ANKFN1: variants seen among roughly 807,000 people sequenced by gnomAD.
The protein encoded by ANKFN1 is ankyrin repeat and fibronectin type-III domain-containing protein 1.
Under a neutral mutation model 108.7 loss-of-function variants are expected in ANKFN1, and 74 were observed. The observed-to-expected ratio is 0.68, with a 90% CI of 0.56 to 0.83. The LOEUF (loss-of-function observed/expected upper bound fraction) is 0.83. ANKFN1 is among the 40% of genes least tolerant of loss of function. The pLI, the probability that ANKFN1 is intolerant of heterozygous loss-of-function variation, is 0.00. For missense variants in ANKFN1, 1,505 were observed against 1,382.3 expected (o/e 1.09, Z -1.41); for synonymous variants, 547 against 516.2 (o/e 1.06, Z -0.81).
intron 3 of ANKFN1, among the ~76,000 whole-genome samples, chr17:56,259,316 A>G (rs1191160532): frequency 6.6e-6 from 1 of 152,190 alleles, no homozygotes; most frequent in African/African-American, 2.4e-5. Flanking sequence ...CCATTTCCAC[A>G]TCTGAAAAAG....
chr17:56,328,807 T>C (rs762480102), intron 4 of ANKFN1, among the ~76,000 whole-genome samples: 150 of 152,104 alleles, frequency 9.9e-4, no homozygotes, highest in Non-Finnish European at 1.8e-3. Context: ...GAATCTATCA[T>C]GCACCCAGTC....
intron 8 of ANKFN1, among the ~76,000 whole-genome samples, chr17:56,420,987 C>T (rs910862675): frequency 1.3e-5 from 2 of 152,114 alleles, no homozygotes; most frequent in Admixed American, 6.5e-5. Context: ...GGATTACAGG[C>T]GTGAGCCACT....
chr17:56,193,045 A>G (rs1374152161), intron 1 of ANKFN1, among the ~76,000 whole-genome samples: 2 of 111,794 alleles, frequency 1.8e-5, no homozygotes, highest in African/African-American at 8.1e-5. Flanking sequence ...AATGTGGCAC[A>G]TATACACCAT....
At chr17:56,097,719 C>T (rs539221918) in intron 4 of ANKFN1, among the ~76,000 whole-genome samples, 55 of 152,300 alleles carry the variant, frequency 3.6e-4, no homozygotes, top group African/African-American at 1.3e-3. Context: ...TTCACAGCTA[C>T]ACTCTGTCAG....
intron 1 of ANKFN1, among the ~76,000 whole-genome samples, chr17:56,162,784 C>A (rs1315714397): frequency 6.6e-6 from 1 of 152,034 alleles, no homozygotes; most frequent in Non-Finnish European, 1.5e-5. Context: ...GCCTGTAATC[C>A]CAGCACTCTG....
chr17:56,149,653 C>T (rs1168258953), upstream of ANKFN1, among the ~76,000 whole-genome samples: 1 of 152,206 alleles, frequency 6.6e-6, no homozygotes, highest in Admixed American at 6.5e-5. Context: ...GAGAATTTCA[C>T]CATTCTCAGT....
intron 10 of ANKFN1, 131 bp downstream of exon 10, chr17:56,443,064 G>T: frequency 2.7e-6 from 2 of 749,642 alleles, no homozygotes; most frequent in African/African-American, 3.5e-5. Context: ...CAGCATCTGG[G>T]CCACATAATG....
intron 8 of ANKFN1, among the ~76,000 whole-genome samples, chr17:56,384,816 A>G (rs536454080): frequency 6.8e-6 from 1 of 147,532 alleles, no homozygotes; most frequent in African/African-American, 2.5e-5. Context: ...AATGAAATAA[A>G]AGAGGATACA....
intron 4 of ANKFN1, among the ~76,000 whole-genome samples, chr17:56,048,468 C>T (rs373519403): frequency 2.6e-5 from 4 of 151,996 alleles, no homozygotes; most frequent in Non-Finnish European, 5.9e-5. Context: ...GCCTGATGCA[C>T]ATTAGATTCT....
At position 56,374,442 on chromosome 17, in the gene ANKFN1, T is replaced by C. The variant is rs878940444; in HGVS notation, c.797-159T>C. Among the ~76,000 whole-genome samples, 3 of 152,212 alleles carry C rather than the reference T, an allele frequency of 2.0e-5. No individual in the cohort carries two copies. The South Asian group carries it at 6.2e-4, about 31-fold the overall frequency. On this transcript the variant is annotated intron_variant, in intron 7 of 20. Coordinates refer to ENST00000682825, the MANE Select transcript of ANKFN1 (RefSeq NM_001370326.1). ...CCCCAATGGCAACAAATAAAAGCCA[T>C]TGAGACGTCTAATGAAAATGTTCAA...
chr17:56,181,099 C>T (rs967459675), intron 1 of ANKFN1, among the ~76,000 whole-genome samples: 3 of 152,134 alleles, frequency 2.0e-5, no homozygotes, highest in Non-Finnish European at 4.4e-5. Flanking sequence ...CTGTTTGAGT[C>T]TAGGGAATGA....
intron 6 of ANKFN1, among the ~76,000 whole-genome samples, chr17:56,355,211 C>T (rs1353961822): frequency 6.6e-6 from 1 of 151,918 alleles, no homozygotes; most frequent in African/African-American, 2.4e-5. Context: ...CCAGTTGTAC[C>T]CCATAAATAT....
chr17:56,264,322 A>C (rs2043595189), intron 3 of ANKFN1, among the ~76,000 whole-genome samples: 1 of 152,178 alleles, frequency 6.6e-6, no homozygotes, highest in Non-Finnish European at 1.5e-5. Flanking sequence ...CTGAAATATG[A>C]ACAGCCAGGT....
In ANKFN1 at chr17:56,492,198, A is replaced by C; in HGVS notation, c.2272A>C (p.Ser758Arg). 1 of 699,196 alleles carries C rather than the reference A, an allele frequency of 1.4e-6. No homozygotes were observed. Among genetic ancestry groups the C allele is most frequent in the Non-Finnish European group, 2.6e-6 (1 of 381,992 alleles). 43.3% of individuals were successfully genotyped at this position (699,196 alleles called of 1,614,324 possible). The change falls in exon 19 of 21, where the codon AGC becomes CGC. Residue 758 changes from serine (S) to arginine (R), a missense_variant. By Grantham distance (110) the Ser-to-Arg change is moderately radical. Coordinates refer to ENST00000682825, the MANE Select transcript of ANKFN1 (RefSeq NM_001370326.1). ...LQMFELVHFC[S>R]YREKFISLYC... Reference sequence around the variant, plus strand: ...TGTCCATTTTCCAGTTCATTTTTGCAGCTACAGAGAGAAATTTATTAGTCT... The same window carrying C: ...TGTCCATTTTCCAGTTCATTTTTGCCGCTACAGAGAGAAATTTATTAGTCT...
At chr17:56,456,782 C>T in intron 11 of ANKFN1, 79 bp from the exon 12 acceptor site, 1 of 1,153,532 alleles carries the variant, frequency 8.7e-7, no homozygotes, top group Non-Finnish European at 1.3e-6. Context: ...GAGGGGAAGG[C>T]AGGAAGGTAG....
chr17:56,143,272 T>C (rs1908039026), intron 4 of ANKFN1, among the ~76,000 whole-genome samples: 1 of 152,166 alleles, frequency 6.6e-6, no homozygotes, highest in East Asian at 1.9e-4. Flanking sequence ...GTGGAGAGGA[T>C]GGTTGAGCAC....
intron 1 of ANKFN1, among the ~76,000 whole-genome samples, chr17:56,187,771 T>C (rs1279496978): frequency 6.6e-6 from 1 of 152,210 alleles, no homozygotes; most frequent in Non-Finnish European, 1.5e-5. Context: ...GATGAGTTCA[T>C]GTCCTTTATA....
intron 8 of ANKFN1, among the ~76,000 whole-genome samples, chr17:56,424,738 A>G (rs1176308937): frequency 1.3e-5 from 2 of 152,170 alleles, no homozygotes; most frequent in Non-Finnish European, 2.9e-5. Flanking sequence ...TTCTCTGCAA[A>G]GGGGAAACTT....
chr17:56,106,805 C>A (rs74344961), intron 4 of ANKFN1, among the ~76,000 whole-genome samples: 9 of 151,950 alleles, frequency 5.9e-5, no homozygotes, highest in Non-Finnish European at 7.4e-5. Context: ...CAAGGGAGGG[C>A]GCCTGAGAAT....
Sources: gnomAD v4.1 joint callset for allele counts (sites outside exome capture counted in the v4.1 genomes callset) on GRCh38, gnomAD v4.1.1 for gene constraint, MANE v1.5 for transcripts, NCBI Gene and HGNC (gene_info 2026-07-23, HGNC 2026-07-21) for gene names.